The following ERCC8 variants were observed in gnomAD, a reference collection of about 807,000 sequenced individuals.
ERCC8 encodes DNA excision repair protein ERCC-8.
A neutral mutation model predicts 54.9 loss-of-function variants in ERCC8; 52 were observed. The ratio of observed to expected loss-of-function variants is 0.95; its 90% CI spans 0.76 to 1.19. The LOEUF is 1.19. Ranked by LOEUF, ERCC8 falls within the 50% of genes most tolerant of loss-of-function variation. ERCC8 has a pLI of 0.00. For synonymous variants in ERCC8, 146 were observed against 157.2 expected (o/e 0.93, Z 0.53); for missense variants, 514 against 466.1 (o/e 1.10, Z -0.95).
At chr5:60,914,844 A>G (rs13353957) in intron 4 of ERCC8, among the ~76,000 whole-genome samples, 7,101 of 150,662 alleles carry the variant, frequency 0.047, 596 homozygotes, top group African/African-American at 0.16. Context: ...GTTCGTATCT[A>G]TTGAGATGAC....
At position 60,871,401 on chromosome 5, in the gene ERCC8, A is replaced by G. The variant is rs1173964375; in HGVS notation, c.*3214T>C. 1.3e-5 allele frequency among the ~76,000 whole-genome samples: 2 copies of G among 152,208 alleles called. No individual in the cohort carries two copies. The highest frequency in any genetic ancestry group is 1.3e-4 in the Admixed American group (2 of 15,278). On this transcript the variant is annotated 3_prime_UTR_variant, in exon 12 of 12. Transcript: ENST00000676185. The stretch of plus-strand genomic sequence containing the variant: ...TCTGCAAAATAAAAATACATCCCCT[A>G]TATGTCTGCATAGATATATATAGGA...
chr5:60,880,441 A>G (rs1748175017), intron 11 of ERCC8, among the ~76,000 whole-genome samples: 1 of 152,184 alleles, frequency 6.6e-6, no homozygotes, highest in African/African-American at 2.4e-5. Flanking sequence ...GTTCTCCTGG[A>G]TAATATCCTG....
At position 60,937,205 on chromosome 5, in the gene ERCC8, G is replaced by A. The variant is rs1750092417; in HGVS notation, c.77+7727C>T. Among the ~76,000 whole-genome samples, 2 of 152,212 alleles carry A rather than the reference G, an allele frequency of 1.3e-5. 1 individual carries two copies. Among genetic ancestry groups the A allele is most frequent in the Admixed American group, 1.3e-4 (2 of 15,286 alleles). On this transcript the variant is annotated intron_variant, in intron 1 of 11. Transcript: ENST00000676185. ...CAGGGGAGTGAAGTGGCCTCTATGA[G>A]GGCCCTTGGTTGTATTTTTGTTAAA...
intron 2 of ERCC8, among the ~76,000 whole-genome samples, chr5:60,927,746 C>G (rs757002955): frequency 1.3e-5 from 2 of 152,148 alleles, no homozygotes; most frequent in Non-Finnish European, 2.9e-5. Context: ...AGTGCCCCCC[C>G]AGCTGTCCTT....
At chr5:60,930,556 T>TAAAAAC (rs4647057) in intron 1 of ERCC8, among the ~76,000 whole-genome samples, 148,683 of 150,216 alleles carry the variant, frequency 0.99, 73,592 homozygotes, top group East Asian at 1. Flanking sequence ...AGACTCCGTC[T>TAAAAAC]AAAAACAAAA....
chr5:60,936,683 A>G (rs1750076441), intron 1 of ERCC8, among the ~76,000 whole-genome samples: 2 of 152,074 alleles, frequency 1.3e-5, no homozygotes, highest in Admixed American at 1.3e-4. Flanking sequence ...TCTTAGCACC[A>G]CTTTTGCTGT....
Position 60,899,638 on chromosome 5 carries a change from G to C in ERCC8, c.707C>G (p.Ala236Gly), listed in dbSNP as rs920836953. The C allele has an allele frequency of 3.1e-6, 5 of 1,607,874 alleles. No individual in the cohort carries two copies. Among genetic ancestry groups the C allele is most frequent in the Non-Finnish European group, 4.3e-6 (5 of 1,174,998 alleles). The change falls in exon 8 of 12, where the codon GCT becomes GGT. Residue 236 changes from alanine (A) to glycine (G), a missense_variant. Ala to Gly is a moderately conservative substitution (Grantham distance 60). Transcript: ENST00000676185. ...LDQHNGKKSQ[A>G]VESANTAHNG... ...GCGTTCTTCCTTACCTGATTCAACA[G>C]CTTGTGACTTTTTCCCATTATGTTG... is the stretch of plus-strand genomic sequence containing the variant.
chr5:60,930,890 T>C (rs575414199), intron 1 of ERCC8, among the ~76,000 whole-genome samples: 1 of 152,100 alleles, frequency 6.6e-6, no homozygotes, highest in East Asian at 1.9e-4. Context: ...CCGGATCACT[T>C]GAGGTCAGCG....
At chr5:60,904,610 T>C (rs1748998249) in intron 5 of ERCC8, among the ~76,000 whole-genome samples, 182 bp downstream of exon 5, 1 of 126,070 alleles carries the variant, frequency 7.9e-6, no homozygotes, top group Admixed American at 8.7e-5. Context: ...CAATATCTGT[T>C]GAATATATAT....
At chr5:60,882,819 TG>T (rs1364100464) in intron 11 of ERCC8, among the ~76,000 whole-genome samples, 1 of 152,222 alleles carries the variant, frequency 6.6e-6, no homozygotes, top group Non-Finnish European at 1.5e-5. Flanking sequence ...CCTGTCTTTT[TG>T]GGTTGTCAAT....
rs1298823391 is a variant in ERCC8 at position 60,905,002 on chromosome 5, A to G, written c.400-129T>C. ...ACTGTTAGCAATTCAACTTAAACAT[A>G]GGAATGTAATACCCCAAAAAACCTT... On this transcript the variant is annotated intron_variant, in intron 4 of 11. Transcript: ENST00000676185. The G allele has an allele frequency of 1.2e-5, 6 of 518,296 alleles. No individual in the cohort carries two copies. The Admixed American group carries it at 1.8e-4, about 15-fold the overall frequency. 32.1% of individuals were successfully genotyped at this position (518,296 alleles called of 1,614,324 possible).
chr5:60,903,576 A>T (rs1748962333), intron 6 of ERCC8, 72 bp downstream of exon 6: 1 of 1,599,356 alleles, frequency 6.3e-7, no homozygotes, highest in African/African-American at 1.3e-5. Flanking sequence ...CAAAGAATAC[A>T]CTGTTAGTAA....
rs1364017180 is a variant in ERCC8, at chr5:60,906,750, T to C, written c.400-1877A>G. Among the ~76,000 whole-genome samples the C allele has an allele frequency of 3.3e-5, 5 of 151,380 alleles. No homozygotes were observed. The East Asian group carries it at 9.7e-4, about 29-fold the overall frequency. ...TCTCAAAAATAAATAAATAAATAAATAAATAAATAAACAAATACATACATA... is the reference window on the plus strand; with the variant it reads ...TCTCAAAAATAAATAAATAAATAAACAAATAAATAAACAAATACATACATA... On this transcript the variant is annotated intron_variant, in intron 4 of 11. Coordinates refer to ENST00000676185, the MANE Select transcript of ERCC8 (RefSeq NM_000082.4).
At chr5:60,893,671 T>C (rs915938025) in intron 9 of ERCC8, 8 of 512,750 alleles carry the variant, frequency 1.6e-5, no homozygotes, top group South Asian at 2.5e-5. Context: ...CAGACGCTCT[T>C]GTGCTGCTAG....
intron 7 of ERCC8, 100 bp downstream of exon 7, chr5:60,902,342 A>G (rs1428773096): frequency 2.3e-6 from 2 of 871,264 alleles, no homozygotes; most frequent in East Asian, 5.4e-5. Context: ...GAGTGAATTA[A>G]TAATTAAATA....
At chr5:60,937,988 T>G (rs1750117574) in intron 1 of ERCC8, among the ~76,000 whole-genome samples, 1 of 149,564 alleles carries the variant, frequency 6.7e-6, no homozygotes, top group Non-Finnish European at 1.5e-5. Flanking sequence ...TTCTTTTTGT[T>G]CAATGAGTTA....
At chr5:60,885,074 G>A (rs963627523) in intron 11 of ERCC8, among the ~76,000 whole-genome samples, 7 of 151,890 alleles carry the variant, frequency 4.6e-5, no homozygotes, top group African/African-American at 1.2e-4. Flanking sequence ...GTATAGTGGT[G>A]CAATTGTGGC....
At chr5:60,901,426 T>C (rs919171207) in intron 7 of ERCC8, among the ~76,000 whole-genome samples, 1 of 152,018 alleles carries the variant, frequency 6.6e-6, no homozygotes, top group Non-Finnish European at 1.5e-5. Context: ...AGTAATCCTA[T>C]GGGCCCTTAA....
Position 60,891,574 on chromosome 5 carries a change from T to G in ERCC8, c.844-488A>C, listed in dbSNP as rs191873084. ...AGACTACCCCACCAAGAATTTTTTT[T>G]GGGGCTAATACCCCCCAAAAACCAT... On this transcript the variant is annotated intron_variant, in intron 9 of 11. Transcript: ENST00000676185. Among the ~76,000 whole-genome samples, 168 of 151,912 alleles carry G rather than the reference T, an allele frequency of 1.1e-3. 3 individuals carry two copies. The highest frequency in any genetic ancestry group is 3.2e-3 in the African/African-American group (132 of 41,444).
Sources: gnomAD v4.1 joint callset for allele counts (sites outside exome capture counted in the v4.1 genomes callset) on GRCh38, gnomAD v4.1.1 for gene constraint, MANE v1.5 for transcripts, NCBI Gene and HGNC (gene_info 2026-07-23, HGNC 2026-07-21) for gene names.